Variants in DTNB observed in about 807,000 individuals in gnomAD.
The protein encoded by DTNB is dystrobrevin beta.
DTNB carries 63 observed loss-of-function variants against 90.7 expected under a neutral mutation model. The observed-to-expected ratio is 0.69, with a 90% CI of 0.57 to 0.86. The LOEUF (loss-of-function observed/expected upper bound fraction) is 0.86. Ranked by LOEUF, DTNB falls within the 40% of genes least tolerant of loss-of-function variation. DTNB has a pLI of 0.00. For synonymous variants in DTNB, 277 were observed against 286.7 expected (o/e 0.97, Z 0.34); for missense variants, 744 against 807.1 (o/e 0.92, Z 0.95).
rs146249462 is a variant in DTNB at position 25,605,656 on chromosome 2, T to A, written c.448+1580A>T. Among the ~76,000 whole-genome samples the A allele has an allele frequency of 8.5e-4, 129 of 152,310 alleles. 1 individual carries two copies. The highest frequency in any genetic ancestry group is 2.9e-3 in the African/African-American group (121 of 41,562). On this transcript the variant is annotated intron_variant, in intron 5 of 20. Coordinates refer to ENST00000406818, the MANE Select transcript of DTNB (RefSeq NM_021907.5). ...AGAGTCATCTAGAATACAGTTAATT[T>A]TCTGCTAATGTATTTTTCTACTACT...
chr2:25,492,850 CA>C (rs962794228), intron 9 of DTNB, among the ~76,000 whole-genome samples: 20 of 143,620 alleles, frequency 1.4e-4, no homozygotes, highest in African/African-American at 1.0e-4. Context: ...ACCTTGTCTC[CA>C]AAAAAAAAAG....
chr2:25,584,596 G>GC (rs745351886), intron 6 of DTNB, among the ~76,000 whole-genome samples: 6 of 146,894 alleles, frequency 4.1e-5, no homozygotes, highest in Non-Finnish European at 9.0e-5. Context: ...TCACTCTTTT[G>GC]CCCAGCCTGG....
intron 3 of DTNB, among the ~76,000 whole-genome samples, chr2:25,634,722 T>G (rs1321182572): frequency 3.5e-5 from 4 of 115,876 alleles, no homozygotes; most frequent in African/African-American, 1.1e-4. Flanking sequence ...TGAAAAATTA[T>G]TCTGCCTTGG....
chr2:25,395,243 G>A (rs925562183), intron 16 of DTNB, among the ~76,000 whole-genome samples: 9 of 152,050 alleles, frequency 5.9e-5, no homozygotes, highest in African/African-American at 2.2e-4. Flanking sequence ...GGTGGGGTGT[G>A]GAAAAGGATA....
At chr2:25,437,174 G>A (rs1404405949) in intron 12 of DTNB, among the ~76,000 whole-genome samples, 3 of 152,266 alleles carry the variant, frequency 2.0e-5, no homozygotes, top group African/African-American at 7.2e-5. Context: ...TCAGTGATGA[G>A]TGTCCAGTGA....
In DTNB at chr2:25,590,070, T is replaced by TCCA. The variant is rs145818377; in HGVS notation, c.603+6013_603+6015dup. ...TGGACCAGGCATACTGCAAGCTGCTTCCACAGCTGGCACCAGCAAACACGG... is the reference window on the plus strand; with the variant it reads ...TGGACCAGGCATACTGCAAGCTGCTTCCACCACAGCTGGCACCAGCAAACACGG... On this transcript the variant is annotated intron_variant, in intron 6 of 20. Coordinates refer to ENST00000406818, the MANE Select transcript of DTNB (RefSeq NM_021907.5). Among the ~76,000 whole-genome samples, 863 of 152,290 alleles carry TCCA rather than the reference T, an allele frequency of 5.7e-3. 10 individuals carry two copies. The highest frequency in any genetic ancestry group is 0.02 in the African/African-American group (816 of 41,570).
intron 4 of DTNB, among the ~76,000 whole-genome samples, chr2:25,616,342 C>A (rs767336995): frequency 2.6e-5 from 4 of 152,096 alleles, no homozygotes; most frequent in Non-Finnish European, 5.9e-5. Context: ...AGCACTTGTA[C>A]AACATTTTCT....
intron 4 of DTNB, among the ~76,000 whole-genome samples, chr2:25,608,449 C>CA (rs984185879): frequency 1.3e-5 from 2 of 152,062 alleles, no homozygotes; most frequent in Non-Finnish European, 2.9e-5. Flanking sequence ...ATTCATAAAA[C>CA]AAAATAGGAA....
chr2:25,387,379 C>T lies in DTNB; in HGVS notation c.1736-1G>A, dbSNP rs750145008. 1.9e-6 allele frequency: 3 copies of T among 1,611,090 alleles called. No homozygotes were observed. Among genetic ancestry groups the T allele is most frequent in the East Asian group, 2.2e-5 (1 of 44,862 alleles). ...TCATTGCGGAGGTTTCTCCTCGTAC[C>T]TGAGGAGAGGCAGAGCAGATGGGGA... On this transcript the variant is annotated splice_acceptor_variant, in intron 17 of 20. Coordinates refer to ENST00000406818, the MANE Select transcript of DTNB (RefSeq NM_021907.5). LOFTEE classifies it high-confidence loss of function. The surrounding 1 kb of genome is among the most constrained non-coding windows in gnomAD (Gnocchi z 4.5).
intron 13 of DTNB, among the ~76,000 whole-genome samples, chr2:25,433,374 T>G (rs969906488): frequency 2.6e-5 from 4 of 152,160 alleles, no homozygotes; most frequent in African/African-American, 9.7e-5. Flanking sequence ...TCCCTGCCCC[T>G]TCCTTCCCTC....
chr2:25,433,300 A>G (rs952791329), intron 13 of DTNB, among the ~76,000 whole-genome samples: 1 of 152,246 alleles, frequency 6.6e-6, no homozygotes, highest in African/African-American at 2.4e-5. Flanking sequence ...CCACTCAGGC[A>G]GGAGGAAAAG....
intron 2 of DTNB, among the ~76,000 whole-genome samples, chr2:25,639,764 C>T (rs370892762): frequency 7.2e-5 from 11 of 152,194 alleles, no homozygotes; most frequent in Admixed American, 5.2e-4. Flanking sequence ...AAGTACAGTG[C>T]GGGACTTCTG....
intron 10 of DTNB, among the ~76,000 whole-genome samples, chr2:25,462,764 C>A (rs1034491736): frequency 6.6e-6 from 1 of 151,422 alleles, no homozygotes; most frequent in African/African-American, 2.4e-5. Flanking sequence ...AGTGCAGTGG[C>A]GGGATCTCGG....
chr2:25,519,602 T>C (rs751696917), intron 9 of DTNB, among the ~76,000 whole-genome samples: 1 of 152,154 alleles, frequency 6.6e-6, no homozygotes, highest in Non-Finnish European at 1.5e-5. Flanking sequence ...TTTACCCTGG[T>C]TGACCATGCG....
chr2:25,405,674 TG>T (rs1460369862), intron 16 of DTNB, among the ~76,000 whole-genome samples: 1 of 152,158 alleles, frequency 6.6e-6, no homozygotes. Context: ...ACATTTTAAA[TG>T]GTTATATAGT....
intron 3 of DTNB, among the ~76,000 whole-genome samples, chr2:25,632,636 T>G (rs1454451921): frequency 6.6e-6 from 1 of 152,222 alleles, no homozygotes; most frequent in African/African-American, 2.4e-5. Context: ...CTCCTCACCA[T>G]GGGATGGTGT....
rs1169160462 is a variant in DTNB, at chr2:25,415,283, G to A, written c.1575+4232C>T. 6.0e-5 allele frequency among the ~76,000 whole-genome samples: 8 copies of A among 134,110 alleles called. 1 individual carries two copies. In the South Asian group the frequency reaches 7.0e-4, roughly 12 times the overall value. 88.0% of individuals were successfully genotyped at this position (134,110 alleles called of 152,430 possible). On this transcript the variant is annotated intron_variant, in intron 16 of 20. Coordinates refer to ENST00000406818, the MANE Select transcript of DTNB (RefSeq NM_021907.5). ...TTTTTTTGAGACAGAGTCTCGCTCCGTTGCTCAGGCTGGAGTGCAGTGGCG... is the reference window on the plus strand; with the variant it reads ...TTTTTTTGAGACAGAGTCTCGCTCCATTGCTCAGGCTGGAGTGCAGTGGCG...
At chr2:25,560,696 T>C (rs1000602167) in intron 8 of DTNB, among the ~76,000 whole-genome samples, 3 of 152,306 alleles carry the variant, frequency 2.0e-5, no homozygotes, top group East Asian at 1.9e-4. Flanking sequence ...GCATAAGCCA[T>C]TTCCTTACAA....
intron 8 of DTNB, among the ~76,000 whole-genome samples, chr2:25,575,332 T>C (rs2060493540): frequency 6.6e-6 from 1 of 151,322 alleles, no homozygotes. Context: ...AATTTGAAAA[T>C]CTGTAAATTT....
Sources: allele counts gnomAD v4.1 joint callset (sites outside exome capture counted in the v4.1 genomes callset), GRCh38; gene constraint gnomAD v4.1.1; non-coding constraint Gnocchi (gnomAD v3.1); transcripts MANE v1.5; gene names NCBI Gene and HGNC (gene_info 2026-07-23, HGNC 2026-07-21).